Variants in PGC observed in about 807,000 individuals in gnomAD.
The protein encoded by PGC is gastricsin.
PGC carries 31 observed loss-of-function variants against 45.9 expected under a neutral mutation model. That is an observed-to-expected ratio of 0.67 (90% CI 0.51 to 0.91). The LOEUF (loss-of-function observed/expected upper bound fraction) is 0.91, where lower values mean the gene tolerates loss of function less well. Ranked by LOEUF, PGC falls within the 40% of genes least tolerant of loss-of-function variation. PGC has a pLI of 0.00. For synonymous variants in PGC, 192 were observed against 201.8 expected, an observed-to-expected ratio of 0.95 and a Z score of 0.41; for missense variants, 477 against 493.2, an observed-to-expected ratio of 0.97 and a Z score of 0.31.
Position 41,744,637 on chromosome 6 carries a change from C to T in PGC, c.210+21G>A, listed in dbSNP as rs1321860578. 1.2e-6 allele frequency: 2 copies of T among 1,613,324 alleles called. No homozygotes were observed. The highest frequency in any genetic ancestry group is 2.2e-5 in the South Asian group (2 of 91,022). On this transcript the variant is annotated intron_variant, in intron 2 of 8. Transcript: ENST00000373025. This position sits in a 1 kb window ranked among gnomAD's most constrained non-coding sequence, Gnocchi z 4.4. ...GCCCACACCAGAGAGAAGGCTACCG[C>T]CAGAAAGGGTCAGGACTCACATCCA...
Sources: gnomAD v4.1 joint callset for allele counts on GRCh38, gnomAD v4.1.1 for gene constraint, Gnocchi (gnomAD v3.1) non-coding constraint, MANE v1.5 for transcripts, NCBI Gene and HGNC (gene_info 2026-07-23, HGNC 2026-07-21) for gene names.